L3MBTL4: variants seen among roughly 807,000 people sequenced by gnomAD.
L3MBTL4 encodes L3MBTL histone methyl-lysine binding protein 4, also known as lethal(3)malignant brain tumor-like protein 4.
L3MBTL4 carries 70 observed loss-of-function variants against 84.5 expected under a neutral mutation model. The ratio of observed to expected loss-of-function variants is 0.83; its 90% confidence interval spans 0.68 to 1.01. The LOEUF (loss-of-function observed/expected upper bound fraction) is 1.01. Among genes scored for constraint, L3MBTL4 ranks in the 50% least tolerant of loss-of-function variants. The pLI is 0.00. For synonymous variants in L3MBTL4, 274 were observed against 259.8 expected (o/e 1.05, Z -0.52); for missense variants, 715 against 754.8 (o/e 0.95, Z 0.62).
chr18:5,968,623 G>C (rs1455391926), intron 17 of L3MBTL4, among the ~76,000 whole-genome samples: 1 of 152,056 alleles, frequency 6.6e-6, no homozygotes, highest in Non-Finnish European at 1.5e-5. Context: ...CTAGAGTCCA[G>C]GAGTTCAAGG....
intron 12 of L3MBTL4, among the ~76,000 whole-genome samples, chr18:6,209,233 T>C (rs1568317800): frequency 6.6e-6 from 1 of 152,190 alleles, no homozygotes; most frequent in Non-Finnish European, 1.5e-5. Context: ...ATATATAACA[T>C]ACTTGCTAAG....
At chr18:6,404,121 T>C (rs986798717) in intron 1 of L3MBTL4, among the ~76,000 whole-genome samples, 1 of 151,922 alleles carries the variant, frequency 6.6e-6, no homozygotes, top group Non-Finnish European at 1.5e-5. Flanking sequence ...GGGTGGGGGA[T>C]AAAAGACTAC....
chr18:6,048,106 C>T (rs1292955190), intron 16 of L3MBTL4, among the ~76,000 whole-genome samples: 6 of 152,120 alleles, frequency 3.9e-5, no homozygotes. Flanking sequence ...TTTGTACACA[C>T]CAATAACATT....
chr18:6,307,153 C>T (rs1207166188), intron 3 of L3MBTL4, among the ~76,000 whole-genome samples: 2 of 152,048 alleles, frequency 1.3e-5, no homozygotes, highest in Non-Finnish European at 2.9e-5. Flanking sequence ...AGTTATATGG[C>T]CAGACACAGT....
At chr18:6,185,602 C>G (rs755410070) in intron 12 of L3MBTL4, among the ~76,000 whole-genome samples, 1 of 152,102 alleles carries the variant, frequency 6.6e-6, no homozygotes, top group East Asian at 1.9e-4. Context: ...CCTGCCCAAA[C>G]GTCATAAACA....
chr18:6,083,060 G>A (rs1392679193), intron 15 of L3MBTL4, among the ~76,000 whole-genome samples: 2 of 152,174 alleles, frequency 1.3e-5, no homozygotes, highest in Non-Finnish European at 2.9e-5. Context: ...AAAGTGGGTC[G>A]ATAATGGAGC....
At position 6,168,790 on chromosome 18, in the gene L3MBTL4, C is replaced by G. The variant is rs943826891; in HGVS notation, c.1096+3038G>C. On this transcript the variant is annotated intron_variant, in intron 13 of 18. Coordinates refer to ENST00000317931, the MANE Select transcript of L3MBTL4 (RefSeq NM_001330559.2). Reference sequence around the variant, plus strand: ...GGGCAAGGACTTCATGTCTAAAACACCAAAAGCAATGGCAACAGAAGCCAA... The same window carrying G: ...GGGCAAGGACTTCATGTCTAAAACAGCAAAAGCAATGGCAACAGAAGCCAA... Among the ~76,000 whole-genome samples the G allele has an allele frequency of 2.0e-5, 3 of 152,114 alleles. No individual in the cohort carries two copies. The East Asian group carries it at 5.8e-4, about 29-fold the overall frequency.
chr18:6,066,857 G>A (rs1477923550), intron 16 of L3MBTL4, among the ~76,000 whole-genome samples: 1 of 150,014 alleles, frequency 6.7e-6, no homozygotes, highest in Non-Finnish European at 1.5e-5. Context: ...TTTACGTTCA[G>A]CATTATTATT....
chr18:6,229,988 G>T (rs1434155589), intron 10 of L3MBTL4, among the ~76,000 whole-genome samples: 1 of 152,038 alleles, frequency 6.6e-6, no homozygotes, highest in Non-Finnish European at 1.5e-5. Flanking sequence ...ATTTTAGGAT[G>T]GATTTTTCTT....
chr18:6,348,627 T>C (rs1599732458), intron 1 of L3MBTL4, among the ~76,000 whole-genome samples: 1 of 152,012 alleles, frequency 6.6e-6, no homozygotes, highest in Non-Finnish European at 1.5e-5. Context: ...AACTGGCAAA[T>C]ATCTTCATGG....
At chr18:6,073,075 G>C (rs2057741693) in intron 16 of L3MBTL4, among the ~76,000 whole-genome samples, 1 of 150,240 alleles carries the variant, frequency 6.7e-6, no homozygotes, top group Non-Finnish European at 1.5e-5. Context: ...ATGCACACTA[G>C]AGAAAATCAA....
chr18:6,008,817 A>G (rs1460043795), intron 16 of L3MBTL4, among the ~76,000 whole-genome samples: 2 of 152,118 alleles, frequency 1.3e-5, no homozygotes, highest in Non-Finnish European at 2.9e-5. Flanking sequence ...CCTTTATACA[A>G]CCTGATGTTT....
intron 4 of L3MBTL4, among the ~76,000 whole-genome samples, chr18:6,278,855 G>T: frequency 6.7e-6 from 1 of 149,018 alleles, no homozygotes; most frequent in East Asian, 2.0e-4. Flanking sequence ...ATTCTTTCTC[G>T]CTTTTACTTA....
intron 1 of L3MBTL4, among the ~76,000 whole-genome samples, chr18:6,411,509 C>T (rs1473847454): frequency 6.6e-6 from 1 of 152,162 alleles, no homozygotes; most frequent in African/African-American, 2.4e-5. Flanking sequence ...ATCTTCTCAG[C>T]GCCTATTTTT....
intron 16 of L3MBTL4, among the ~76,000 whole-genome samples, chr18:6,037,929 A>G (rs1190946341): frequency 2.6e-5 from 4 of 152,210 alleles, no homozygotes; most frequent in African/African-American, 7.2e-5. Context: ...TAGGCTCCTG[A>G]TGAGTAATTG....
At chr18:5,998,573 A>G (rs2054081569) in intron 16 of L3MBTL4, among the ~76,000 whole-genome samples, 2 of 152,162 alleles carry the variant, frequency 1.3e-5, no homozygotes, top group Admixed American at 1.3e-4. Flanking sequence ...AAAAGAGGTC[A>G]GCTAATCATT....
At chr18:5,967,437 T>C (rs1567926112) in intron 17 of L3MBTL4, among the ~76,000 whole-genome samples, 1 of 152,242 alleles carries the variant, frequency 6.6e-6, no homozygotes, top group African/African-American at 2.4e-5. Context: ...ACTAAGTCTG[T>C]GAAACTCACT....
At chr18:6,375,305 C>T (rs1555749097) in intron 1 of L3MBTL4, among the ~76,000 whole-genome samples, 1 of 152,126 alleles carries the variant, frequency 6.6e-6, no homozygotes, top group Non-Finnish European at 1.5e-5. Context: ...AGGATAAAGT[C>T]CAGGCTGCCA....
chr18:6,031,585 T>C (rs2055803274), intron 16 of L3MBTL4: 1 of 939,810 alleles, frequency 1.1e-6, no homozygotes, highest in East Asian at 1.2e-4. Context: ...CATTCACATG[T>C]TTGTTGGACA....
Sources: allele counts gnomAD v4.1 joint callset (sites outside exome capture counted in the v4.1 genomes callset), GRCh38; gene constraint gnomAD v4.1.1; transcripts MANE v1.5; gene names NCBI Gene and HGNC (gene_info 2026-07-23, HGNC 2026-07-21).